Variants in ZNF804B observed in about 807,000 individuals in gnomAD.
ZNF804B encodes the protein zinc finger protein 804B.
Under a neutral mutation model 101.4 loss-of-function variants are expected in ZNF804B, and 80 were observed. The ratio of observed to expected loss-of-function variants is 0.79; its 90% CI spans 0.66 to 0.95. ZNF804B has a LOEUF of 0.95. ZNF804B is among the 40% of genes least tolerant of loss of function. ZNF804B has a pLI of 0.00. For synonymous variants in ZNF804B, 622 were observed against 558.8 expected, an observed-to-expected ratio of 1.11 and a Z score of -1.59; for missense variants, 1,673 against 1,561.9, an observed-to-expected ratio of 1.07 and a Z score of -1.20.
At chr7:88,933,675 C>G (rs1410322569) in intron 1 of ZNF804B, among the ~76,000 whole-genome samples, 2 of 151,610 alleles carry the variant, frequency 1.3e-5, no homozygotes, top group Admixed American at 6.6e-5. Flanking sequence ...TGAACTCAAT[C>G]CATTTTGCAA....
chr7:89,140,988 C>T (rs572448173), intron 1 of ZNF804B, among the ~76,000 whole-genome samples: 1 of 151,966 alleles, frequency 6.6e-6, no homozygotes, highest in South Asian at 2.1e-4. Context: ...TTCATTTGAA[C>T]CCTTAGAGGA....
At chr7:89,240,775 C>T (rs546038570) in intron 2 of ZNF804B, among the ~76,000 whole-genome samples, 10 of 152,138 alleles carry the variant, frequency 6.6e-5, no homozygotes, top group Non-Finnish European at 7.4e-5. Context: ...TAATTTCTTG[C>T]TGAGTACTTA....
intron 1 of ZNF804B, among the ~76,000 whole-genome samples, chr7:88,821,293 A>G (rs983682939): frequency 2.0e-5 from 3 of 152,164 alleles, no homozygotes; most frequent in Admixed American, 6.6e-5. Context: ...ATTCCAAAGT[A>G]CAGTTTGTAT....
chr7:89,182,773 C>T (rs573356989), intron 1 of ZNF804B, among the ~76,000 whole-genome samples: 1 of 152,178 alleles, frequency 6.6e-6, no homozygotes, highest in Admixed American at 6.5e-5. Flanking sequence ...GATTTGAGCG[C>T]CAATCATCTG....
chr7:89,091,653 C>T (rs933586408), intron 1 of ZNF804B, among the ~76,000 whole-genome samples: 4 of 152,146 alleles, frequency 2.6e-5, no homozygotes, highest in Admixed American at 6.5e-5. Flanking sequence ...CCACAAAGAG[C>T]ACAAATAAAA....
At position 89,161,749 on chromosome 7, in the gene ZNF804B, C is replaced by T. The variant is rs578255561; in HGVS notation, c.109-56406C>T. Among the ~76,000 whole-genome samples the T allele has an allele frequency of 1.1e-3, 174 of 152,080 alleles. 2 individuals are homozygous for T. The highest frequency in any genetic ancestry group is 1.5e-4 in the Non-Finnish European group (10 of 67,986). ...TTTTATGGAGAATTGGTAAAATATCCTAATATCTGGTTAAAGTTGACATTA... is the reference window on the plus strand; with the variant it reads ...TTTTATGGAGAATTGGTAAAATATCTTAATATCTGGTTAAAGTTGACATTA... On this transcript the variant is annotated intron_variant, in intron 1 of 3. Transcript: ENST00000333190.
chr7:89,091,945 T>C (rs1175563880), intron 1 of ZNF804B, among the ~76,000 whole-genome samples: 1 of 152,202 alleles, frequency 6.6e-6, no homozygotes, highest in Non-Finnish European at 1.5e-5. Context: ...TATATTTACT[T>C]ATATATTCAA....
At chr7:89,083,127 A>G (rs1789721668) in intron 1 of ZNF804B, among the ~76,000 whole-genome samples, 1 of 151,796 alleles carries the variant, frequency 6.6e-6, no homozygotes, top group Admixed American at 6.6e-5. Context: ...GATCCCCTTT[A>G]CAGCAAAGAA....
intron 1 of ZNF804B, among the ~76,000 whole-genome samples, chr7:89,060,312 A>G (rs1021331593): frequency 2.0e-5 from 3 of 152,158 alleles, no homozygotes; most frequent in Non-Finnish European, 2.9e-5. Context: ...TTCTTACTGT[A>G]TTCCTTACAA....
intron 1 of ZNF804B, among the ~76,000 whole-genome samples, chr7:88,865,798 T>C (rs141402823): frequency 6.6e-5 from 10 of 152,312 alleles, no homozygotes; most frequent in African/African-American, 2.4e-4. Flanking sequence ...TTTTCTACTT[T>C]TTTATGTCTT....
At chr7:88,931,601 A>C (rs897819640) in intron 1 of ZNF804B, among the ~76,000 whole-genome samples, 2 of 151,852 alleles carry the variant, frequency 1.3e-5, no homozygotes, top group Admixed American at 1.3e-4. Context: ...ATCTGGCATA[A>C]ACATCTTAAC....
At chr7:88,985,565 C>T (rs990740415) in intron 1 of ZNF804B, among the ~76,000 whole-genome samples, 46 of 151,996 alleles carry the variant, frequency 3.0e-4, no homozygotes, top group Non-Finnish European at 4.9e-4. Context: ...GGAGTGCTTT[C>T]GTAGTCAGCT....
At chr7:88,796,176 C>T (rs1010318542) in intron 1 of ZNF804B, among the ~76,000 whole-genome samples, 1 of 151,958 alleles carries the variant, frequency 6.6e-6, no homozygotes, top group South Asian at 2.1e-4. Context: ...AAAATTGCAT[C>T]CACATGAGTT....
Position 88,759,838 on chromosome 7 carries a change from G to A in ZNF804B, c.-139G>A. The A allele has an allele frequency of 1.5e-6, 1 of 674,294 alleles. No homozygotes were observed. The highest frequency in any genetic ancestry group is 2.6e-6 in the Non-Finnish European group (1 of 384,836). 41.8% of individuals were successfully genotyped at this position (674,294 alleles called of 1,614,324 possible). Reference sequence around the variant, plus strand: ...ACGGGGCGCGGAGCAGGGACGCGCTGCCACCGCCTCCCCCTGCGTCCTGCT... The same window carrying A: ...ACGGGGCGCGGAGCAGGGACGCGCTACCACCGCCTCCCCCTGCGTCCTGCT... On this transcript the variant is annotated 5_prime_UTR_variant, in exon 1 of 4. Coordinates refer to ENST00000333190, the MANE Select transcript of ZNF804B (RefSeq NM_181646.5).
rs563183485 is a variant in ZNF804B at position 89,207,470 on chromosome 7, C to T, written c.109-10685C>T. Among the ~76,000 whole-genome samples the T allele has an allele frequency of 3.2e-3, 485 of 152,248 alleles. 2 individuals are homozygous for T. The highest frequency in any genetic ancestry group is 6.8e-3 in the Middle Eastern group (2 of 294). On this transcript the variant is annotated intron_variant, in intron 1 of 3. Transcript: ENST00000333190. ...AGAACAGCACAGGAAAAAACCCACC[C>T]CCAGTGACTTGATTACTTCCCACTG...
At chr7:89,219,186 A>C (rs1788943294) in intron 2 of ZNF804B, among the ~76,000 whole-genome samples, 1 of 152,122 alleles carries the variant, frequency 6.6e-6, no homozygotes, top group African/African-American at 2.4e-5. Flanking sequence ...AAAGTTACTT[A>C]ACTAGTTAGT....
intron 1 of ZNF804B, among the ~76,000 whole-genome samples, chr7:88,907,061 CT>C (rs1216146008): frequency 3.3e-5 from 5 of 151,956 alleles, no homozygotes; most frequent in Middle Eastern, 3.4e-3. Context: ...GACTCTTGGT[CT>C]TTTTTGTTTT....
At chr7:88,893,543 A>G (rs1792244244) in intron 1 of ZNF804B, among the ~76,000 whole-genome samples, 1 of 152,152 alleles carries the variant, frequency 6.6e-6, no homozygotes, top group Non-Finnish European at 1.5e-5. Flanking sequence ...AAAACCATAC[A>G]GTAGAAAGTA....
chr7:88,956,902 G>A (rs1187419902), intron 1 of ZNF804B, among the ~76,000 whole-genome samples: 2 of 151,410 alleles, frequency 1.3e-5, no homozygotes, highest in Admixed American at 1.3e-4. Flanking sequence ...TTCAGACAGA[G>A]CAAACTGTGC....
Sources: allele counts gnomAD v4.1 joint callset (sites outside exome capture counted in the v4.1 genomes callset), GRCh38; gene constraint gnomAD v4.1.1; transcripts MANE v1.5; gene names NCBI Gene and HGNC (gene_info 2026-07-23, HGNC 2026-07-21).